Variants in MPRIP observed in about 807,000 individuals in gnomAD.
MPRIP encodes myosin phosphatase Rho-interacting protein.
A neutral mutation model predicts 234.9 loss-of-function variants in MPRIP; 59 were observed. The ratio of observed to expected loss-of-function variants is 0.25; its 90% CI spans 0.20 to 0.31. The LOEUF (loss-of-function observed/expected upper bound fraction) is 0.31, where lower values mean the gene tolerates loss of function less well. Ranked by LOEUF, MPRIP falls within the 10% of genes least tolerant of loss-of-function variation. The pLI is 1.00. For synonymous variants in MPRIP, 1,144 were observed against 1,263.9 expected (o/e 0.91, Z 2.01); for missense variants, 2,436 against 3,071.0 (o/e 0.79, Z 4.89).
In MPRIP at chr17:17,166,507, T is replaced by C. The variant is rs2046000722; in HGVS notation, c.4916T>C (p.Leu1639Pro). The change falls in exon 16 of 24, where the codon CTG becomes CCG. Residue 1639 changes from leucine (L) to proline (P), a missense_variant. Leu to Pro is a moderately conservative substitution (Grantham distance 98). Around this residue, in one of 4 missense-constraint regions of MPRIP, gnomAD observed 1,998 missense variants for 2,520.3 expected, o/e 0.79. Transcript: ENST00000651222. This position sits in a 1 kb window ranked among gnomAD's most constrained non-coding sequence, Gnocchi z 4.4. ...TCTCTGAGGAAGCACTTGGGGACACTGGGAGGAGAGGCAGTCGGTGCCTCA... is the reference window on the plus strand; with the variant it reads ...TCTCTGAGGAAGCACTTGGGGACACCGGGAGGAGAGGCAGTCGGTGCCTCA... ...VESLRKHLGTLGGEAVGASGD... is the reference protein window; with the variant it reads ...VESLRKHLGTPGGEAVGASGD... 1.5e-6 allele frequency: 2 copies of C among 1,304,190 alleles called. No homozygotes were observed. The highest frequency in any genetic ancestry group is 1.2e-5 in the South Asian group (1 of 81,024). 80.8% of individuals were successfully genotyped at this position (1,304,190 alleles called of 1,614,324 possible). A position where few individuals can be genotyped will look rare whatever the true frequency, so the allele number is the denominator to read the frequency against.
intron 23 of MPRIP, 91 bp from the exon 24 acceptor site, chr17:17,184,732 C>T: frequency 2.1e-6 from 2 of 938,152 alleles, no homozygotes; most frequent in Admixed American, 1.8e-5. Context: ...CTGATGCCGG[C>T]TCCACCAGCG....
At chr17:17,152,251 C>T (rs1165325097) in intron 12 of MPRIP, among the ~76,000 whole-genome samples, 1 of 152,248 alleles carries the variant, frequency 6.6e-6, no homozygotes, top group Non-Finnish European at 1.5e-5. Flanking sequence ...CTGTCCTCAT[C>T]CGCTGTGGGA....
intron 5 of MPRIP, among the ~76,000 whole-genome samples, chr17:17,132,424 G>C (rs1454118785): frequency 1.3e-5 from 2 of 152,214 alleles, no homozygotes; most frequent in Admixed American, 6.5e-5. Context: ...ACCTATTATA[G>C]GTTCTCAGTA....
intron 3 of MPRIP, among the ~76,000 whole-genome samples, chr17:17,085,317 A>G (rs1349903436): frequency 6.6e-6 from 1 of 152,170 alleles, no homozygotes; most frequent in Non-Finnish European, 1.5e-5. Context: ...AGATCATTTA[A>G]AAAAACAACT....
At chr17:17,121,888 C>G (rs1197572088) in intron 3 of MPRIP, among the ~76,000 whole-genome samples, 1 of 152,178 alleles carries the variant, frequency 6.6e-6, no homozygotes, top group African/African-American at 2.4e-5. Context: ...ATTTAGCTCC[C>G]ACTTACAAGT....
At chr17:17,143,732 C>T (rs1452113289) in intron 9 of MPRIP, 63 bp downstream of exon 9, 1 of 1,067,628 alleles carries the variant, frequency 9.4e-7, no homozygotes, top group African/African-American at 1.6e-5. Flanking sequence ...CTCTGAGGCG[C>T]TGTCTGTTTC....
intron 3 of MPRIP, among the ~76,000 whole-genome samples, chr17:17,100,788 A>C (rs2089945960): frequency 6.6e-6 from 1 of 152,070 alleles, no homozygotes; most frequent in Non-Finnish European, 1.5e-5. Context: ...ATAATAATAG[A>C]AATAAAGTGC....
intron 12 of MPRIP, among the ~76,000 whole-genome samples, chr17:17,153,072 G>T (rs939261516): frequency 6.6e-6 from 1 of 152,170 alleles, no homozygotes; most frequent in Non-Finnish European, 1.5e-5. Flanking sequence ...ACACCTGGGG[G>T]TGGAGAAGGA....
intron 5 of MPRIP, among the ~76,000 whole-genome samples, chr17:17,134,727 G>A (rs565979991): frequency 2.2e-4 from 33 of 152,358 alleles, no homozygotes. Flanking sequence ...AGCACGTGGT[G>A]GAAACACTCA....
In MPRIP at chr17:17,151,726, A is replaced by C. The variant is rs183145886; in HGVS notation, c.1719+1493A>C. On this transcript the variant is annotated intron_variant, in intron 12 of 23. Coordinates refer to ENST00000651222, the MANE Select transcript of MPRIP (RefSeq NM_001364716.4). ...TAACAAAGACTCTAGTCATTCAGGA[A>C]ATTCCAAGGTTTGGAAGTTACCTCC... 2.0e-5 allele frequency among the ~76,000 whole-genome samples: 3 copies of C among 152,334 alleles called. No individual in the cohort carries two copies. In the East Asian group the frequency reaches 5.8e-4, roughly 29 times the overall value.
In MPRIP at chr17:17,175,407, C is replaced by T. The variant is rs368020639; in HGVS notation, c.6865C>T (p.Leu2289=). 1 of 1,608,492 alleles carries T rather than the reference C, an allele frequency of 6.2e-7. No individual in the cohort carries two copies. Among genetic ancestry groups the T allele is most frequent in the African/African-American group, 1.3e-5 (1 of 74,940 alleles). Residue 2289 remains leucine, a synonymous_variant, in exon 20 of 24, where the codon CTA becomes TTA. Coordinates refer to ENST00000651222, the MANE Select transcript of MPRIP (RefSeq NM_001364716.4). The part of the protein sequence containing the change: ...PLAQGKDAYE[L]EVLLRVKESE... ...TGCACAGGGCAAGGATGCCTATGAA[C>T]TAGAGGTACCATCAGGAGCCAGGCC... is the stretch of plus-strand genomic sequence containing the variant.
chr17:17,168,320 G>A (rs2046051142), intron 16 of MPRIP: 1 of 262,304 alleles, frequency 3.8e-6, no homozygotes, highest in South Asian at 4.3e-5. Context: ...GCAGCTGCCT[G>A]AGGACAGCCT....
chr17:17,131,996 G>A (rs770978640), intron 5 of MPRIP, among the ~76,000 whole-genome samples: 1 of 152,202 alleles, frequency 6.6e-6, no homozygotes, highest in Non-Finnish European at 1.5e-5. Flanking sequence ...CTGGCAGCTG[G>A]GGAGGGGCAG....
intron 20 of MPRIP, 21 bp from the exon 21 acceptor site, chr17:17,176,405 C>G (rs1454302475): frequency 6.3e-7 from 1 of 1,595,344 alleles, no homozygotes; most frequent in African/African-American, 1.3e-5. Flanking sequence ...ATATTGGTCC[C>G]TGATCTCTCT....
At chr17:17,058,281 C>A (rs2143903552) in intron 1 of MPRIP, among the ~76,000 whole-genome samples, 1 of 152,012 alleles carries the variant, frequency 6.6e-6, no homozygotes, top group East Asian at 1.9e-4. Flanking sequence ...GGAGAGGATT[C>A]TAGGGGCCAG....
chr17:17,156,790 C>T (rs1482451835), intron 13 of MPRIP, among the ~76,000 whole-genome samples: 1 of 152,260 alleles, frequency 6.6e-6, no homozygotes, highest in Non-Finnish European at 1.5e-5. Flanking sequence ...AAGATCTGCC[C>T]TGTGTCGTTT....
At chr17:17,065,739 T>G (rs1438064197) in intron 1 of MPRIP, among the ~76,000 whole-genome samples, 1 of 152,234 alleles carries the variant, frequency 6.6e-6, no homozygotes, top group Non-Finnish European at 1.5e-5. Context: ...TGTGTTAAAC[T>G]GAATATCAGT....
At chr17:17,151,370 T>C (rs2045598771) in intron 12 of MPRIP, among the ~76,000 whole-genome samples, 1 of 152,166 alleles carries the variant, frequency 6.6e-6, no homozygotes. Context: ...GAGTCACAGA[T>C]GCCAAAAGTT....
At chr17:17,135,914 C>T (rs942219430) in intron 5 of MPRIP, among the ~76,000 whole-genome samples, 6 of 152,214 alleles carry the variant, frequency 3.9e-5, no homozygotes, top group African/African-American at 1.2e-4. Context: ...CAGACTTGGG[C>T]GCTGTGAACT....
Sources: allele counts gnomAD v4.1 joint callset (sites outside exome capture counted in the v4.1 genomes callset), GRCh38; gene constraint gnomAD v4.1.1; regional missense constraint gnomAD v4.1.1; non-coding constraint Gnocchi (gnomAD v3.1); transcripts MANE v1.5; gene names NCBI Gene and HGNC (gene_info 2026-07-23, HGNC 2026-07-21).